AK5: variants seen among roughly 807,000 people sequenced by gnomAD.
The protein encoded by AK5 is adenylate kinase isoenzyme 5.
AK5 carries 27 observed loss-of-function variants against 69.5 expected under a neutral mutation model. The observed-to-expected ratio is 0.39, with a 90% confidence interval of 0.29 to 0.54. AK5 has a LOEUF of 0.54. Ranked by LOEUF, AK5 falls within the 20% of genes least tolerant of loss-of-function variation. The probability of loss-of-function intolerance (pLI) is 0.71; values close to 1 mark genes in which losing one functional copy is unlikely to be tolerated. For synonymous variants in AK5, 260 were observed against 244.4 expected (o/e 1.06, Z -0.60); for missense variants, 531 against 700.4 (o/e 0.76, Z 2.73).
chr1:77,521,992 C>A (rs2100320923), intron 12 of AK5, 49 bp downstream of exon 12: 1 of 1,369,580 alleles, frequency 7.3e-7, no homozygotes, highest in South Asian at 1.4e-5. Flanking sequence ...AGGGGACATC[C>A]TTGAGGTTGG....
intron 8 of AK5, among the ~76,000 whole-genome samples, chr1:77,475,316 T>A (rs1325737072): frequency 7.2e-6 from 1 of 139,282 alleles, no homozygotes; most frequent in East Asian, 2.0e-4. Flanking sequence ...AGGGGCAGAA[T>A]GTAAACAAGC....
chr1:77,308,215 C>T (rs949822740), intron 5 of AK5, among the ~76,000 whole-genome samples: 6 of 152,134 alleles, frequency 3.9e-5, no homozygotes, highest in East Asian at 1.9e-4. Flanking sequence ...CAGTGCATAG[C>T]GCCATTTTTC....
chr1:77,506,979 A>T (rs1657066555), intron 10 of AK5, among the ~76,000 whole-genome samples: 1 of 152,076 alleles, frequency 6.6e-6, no homozygotes, highest in African/African-American at 2.4e-5. Context: ...AGCCTGGGTA[A>T]GAGGTTGAGA....
Position 77,558,813 on chromosome 1 carries a change from C to G in AK5, c.*143C>G. The G allele has an allele frequency of 3.2e-6, 2 of 634,350 alleles. No homozygotes were observed. The highest frequency in any genetic ancestry group is 5.5e-5 in the East Asian group (2 of 36,396). The allele number at this position is 634,350 out of a possible 1,614,324, so 39.3% of individuals were successfully genotyped here. ...AAATCCTGACAGCACTGTTTGCTTC[C>G]CAGCTAGACCTGTGTGAGAGGTGTC... is the stretch of plus-strand genomic sequence containing the variant. On this transcript the variant is annotated 3_prime_UTR_variant, in exon 14 of 14. Coordinates refer to ENST00000354567, the MANE Select transcript of AK5 (RefSeq NM_174858.3).
intron 8 of AK5, among the ~76,000 whole-genome samples, chr1:77,440,283 T>C (rs1652244537): frequency 6.6e-6 from 1 of 152,224 alleles, no homozygotes; most frequent in African/African-American, 2.4e-5. Flanking sequence ...TTGCCATTCT[T>C]TGAATATGTC....
At chr1:77,319,377 G>C (rs1449686881) in intron 5 of AK5, among the ~76,000 whole-genome samples, 1 of 152,208 alleles carries the variant, frequency 6.6e-6, no homozygotes, top group Non-Finnish European at 1.5e-5. Context: ...AGTAGAGCTA[G>C]AGGGGCAAAG....
intron 6 of AK5, among the ~76,000 whole-genome samples, chr1:77,405,051 T>C (rs909922512): frequency 1.3e-5 from 2 of 152,154 alleles, no homozygotes; most frequent in Admixed American, 1.3e-4. Context: ...AAAATGTGTA[T>C]GTGTTTGAGA....
chr1:77,351,179 AG>A lies in AK5; in HGVS notation c.891+10613del, dbSNP rs1248521947. On this transcript the variant is annotated intron_variant, in intron 6 of 13. Transcript: ENST00000354567. ...GAGGCTGAAATGGGTGGATTGCTTG[AG>A]GCCAGGAATTGAAGACCAGCCTGGG... 3.9e-5 allele frequency among the ~76,000 whole-genome samples: 6 copies of A among 152,210 alleles called. 1 individual carries two copies. Among genetic ancestry groups the A allele is most frequent in the Admixed American group, 2.6e-4 (4 of 15,286 alleles).
chr1:77,368,245 A>ATATATATATATGT lies in AK5; in HGVS notation c.891+27685_891+27686insTATGTTATATATA, dbSNP rs376578923. Among the ~76,000 whole-genome samples the ATATATATATATGT allele has an allele frequency of 9.3e-4, 63 of 67,902 alleles. 2 individuals are homozygous for ATATATATATATGT. The highest frequency in any genetic ancestry group is 1.5e-3 in the Non-Finnish European group (52 of 35,046). 44.5% of individuals were successfully genotyped at this position (67,902 alleles called of 152,430 possible). ...TATATATATATATATATATATATAT[A>ATATATATATATGT]TATATATAATATATATGTTATATAT... On this transcript the variant is annotated intron_variant, in intron 6 of 13. Coordinates refer to ENST00000354567, the MANE Select transcript of AK5 (RefSeq NM_174858.3).
intron 8 of AK5, among the ~76,000 whole-genome samples, chr1:77,427,983 A>G (rs1419312210): frequency 6.6e-6 from 1 of 152,244 alleles, no homozygotes; most frequent in Non-Finnish European, 1.5e-5. Flanking sequence ...GAACCAAGCT[A>G]TTCATGAAGG....
At chr1:77,434,167 CATG>C (rs1290746915) in intron 8 of AK5, among the ~76,000 whole-genome samples, 1 of 151,154 alleles carries the variant, frequency 6.6e-6, no homozygotes, top group Non-Finnish European at 1.5e-5. Flanking sequence ...GATGAAAGTT[CATG>C]ATAACCAGAA....
intron 5 of AK5, among the ~76,000 whole-genome samples, chr1:77,337,094 T>A (rs983647797): frequency 2.0e-5 from 3 of 152,188 alleles, no homozygotes; most frequent in Non-Finnish European, 4.4e-5. Flanking sequence ...AACCTAAAAC[T>A]GCTTGGAAAA....
At position 77,443,853 on chromosome 1, in the gene AK5, T is replaced by TA. The variant is rs535252476; in HGVS notation, c.1059+26139dup. 4.6e-5 allele frequency among the ~76,000 whole-genome samples: 7 copies of TA among 152,050 alleles called. No individual in the cohort carries two copies. The South Asian group carries it at 1.2e-3, about 27-fold the overall frequency. The stretch of plus-strand genomic sequence containing the variant: ...AGGTATACAACATGATGTTAAGAGA[T>TA]ACATCTATATAGTAAAATAATTATT... On this transcript the variant is annotated intron_variant, in intron 8 of 13. Coordinates refer to ENST00000354567, the MANE Select transcript of AK5 (RefSeq NM_174858.3).
chr1:77,361,852 T>A (rs1570439942), intron 6 of AK5, among the ~76,000 whole-genome samples: 1 of 152,150 alleles, frequency 6.6e-6, no homozygotes, highest in East Asian at 1.9e-4. Flanking sequence ...CGTAATTCAG[T>A]CACCTCCTAC....
At chr1:77,506,649 A>C (rs1244511050) in intron 10 of AK5, among the ~76,000 whole-genome samples, 1 of 152,110 alleles carries the variant, frequency 6.6e-6, no homozygotes, top group Non-Finnish European at 1.5e-5. Context: ...TGAATTGTAA[A>C]ATCATAGAGT....
At chr1:77,376,362 A>G (rs1311378988) in intron 6 of AK5, among the ~76,000 whole-genome samples, 1 of 145,900 alleles carries the variant, frequency 6.9e-6, no homozygotes, top group Non-Finnish European at 1.5e-5. Context: ...GAGATTAGAG[A>G]AAGTGTGCCC....
At chr1:77,374,410 A>G (rs1647185555) in intron 6 of AK5, among the ~76,000 whole-genome samples, 1 of 135,164 alleles carries the variant, frequency 7.4e-6, no homozygotes, top group Admixed American at 8.0e-5. Flanking sequence ...ATGCCAATTG[A>G]GGTAATGCTT....
rs761856330 is a variant in AK5 at position 77,407,676 on chromosome 1, A to C, written c.892-3305A>C. Among the ~76,000 whole-genome samples, 3 of 152,116 alleles carry C rather than the reference A, an allele frequency of 2.0e-5. No individual in the cohort carries two copies. In the South Asian group the frequency reaches 6.2e-4, roughly 32 times the overall value. ...TTTGGGGTACATGTGCAGATTTGCT[A>C]CCTGGGTATGTTGCATGCTGCTGAG... On this transcript the variant is annotated intron_variant, in intron 6 of 13. Coordinates refer to ENST00000354567, the MANE Select transcript of AK5 (RefSeq NM_174858.3).
intron 12 of AK5, among the ~76,000 whole-genome samples, chr1:77,533,455 G>T (rs948825473): frequency 1.4e-5 from 2 of 141,616 alleles, no homozygotes; most frequent in Non-Finnish European, 3.0e-5. Context: ...GGCAGAGGTT[G>T]CAGTGATCAC....
Sources: gnomAD v4.1 joint callset for allele counts (sites outside exome capture counted in the v4.1 genomes callset) on GRCh38, gnomAD v4.1.1 for gene constraint, MANE v1.5 for transcripts, NCBI Gene and HGNC (gene_info 2026-07-23, HGNC 2026-07-21) for gene names.